The following THSD7A variants were observed in gnomAD, a reference collection of about 807,000 sequenced individuals.
THSD7A encodes the protein thrombospondin type-1 domain-containing protein 7A.
Under a neutral mutation model 231.3 loss-of-function variants are expected in THSD7A, and 96 were observed. The observed-to-expected ratio is 0.41, with a 90% confidence interval of 0.35 to 0.49. The LOEUF (loss-of-function observed/expected upper bound fraction) is 0.49. THSD7A is among the 20% of genes least tolerant of loss of function. The pLI, the probability that THSD7A is intolerant of heterozygous loss-of-function variation, is 0.05. For missense variants in THSD7A, 2,290 were observed against 2,070.2 expected (o/e 1.11, Z -2.06); for synonymous variants, 940 against 743.3 (o/e 1.26, Z -4.30).
intron 4 of THSD7A, among the ~76,000 whole-genome samples, chr7:11,554,135 T>C (rs561565443): frequency 4.5e-4 from 68 of 152,134 alleles, no homozygotes; most frequent in African/African-American, 1.6e-3. Flanking sequence ...ACTTTGGTTG[T>C]ATAGTGTTCC....
At chr7:11,547,466 C>G (rs1284373400) in intron 4 of THSD7A, among the ~76,000 whole-genome samples, 2 of 152,092 alleles carry the variant, frequency 1.3e-5, no homozygotes, top group Non-Finnish European at 2.9e-5. Flanking sequence ...TAACAGATAT[C>G]TGGGACCTAA....
At chr7:11,702,504 C>A (rs1780636814) in intron 1 of THSD7A, among the ~76,000 whole-genome samples, 1 of 151,180 alleles carries the variant, frequency 6.6e-6, no homozygotes, top group Non-Finnish European at 1.5e-5. Flanking sequence ...TTTCTGCCAC[C>A]AGCCTGAGAA....
chr7:11,748,597 GAA>G (rs1277100258), intron 1 of THSD7A, among the ~76,000 whole-genome samples: 1 of 151,858 alleles, frequency 6.6e-6, no homozygotes, highest in Admixed American at 6.6e-5. Context: ...GAGACATCAT[GAA>G]AAGTCACATA....
intron 1 of THSD7A, among the ~76,000 whole-genome samples, chr7:11,664,720 A>G (rs991649262): frequency 3.3e-5 from 5 of 152,016 alleles, no homozygotes; most frequent in South Asian, 2.1e-4. Flanking sequence ...TCTCAAGTAC[A>G]TGATGGTAAG....
chr7:11,680,181 A>G (rs1783814031), intron 1 of THSD7A, among the ~76,000 whole-genome samples: 1 of 152,136 alleles, frequency 6.6e-6, no homozygotes, highest in Admixed American at 6.5e-5. Context: ...CCTTCCTTAC[A>G]CCTTATACAA....
At chr7:11,425,108 T>G (rs1784276168) in intron 15 of THSD7A, among the ~76,000 whole-genome samples, 1 of 152,194 alleles carries the variant, frequency 6.6e-6, no homozygotes, top group South Asian at 2.1e-4. Context: ...ATGCTGACCC[T>G]TAACACACCG....
intron 13 of THSD7A, among the ~76,000 whole-genome samples, chr7:11,435,462 C>G (rs963590711): frequency 2.0e-5 from 3 of 152,072 alleles, no homozygotes; most frequent in Non-Finnish European, 4.4e-5. Flanking sequence ...ATCTGACCAC[C>G]TTTAAGACGA....
chr7:11,411,952 GAAAC>G lies in THSD7A; in HGVS notation c.3683-634_3683-631del, dbSNP rs1263636756. ...AGGAAACTGAAGAGAAAAACCAAAA[GAAAC>G]AAAGCCAATATGACTGTTATGTGTC... On this transcript the variant is annotated intron_variant, in intron 18 of 27. Transcript: ENST00000423059. The surrounding 1 kb of genome is among the most constrained non-coding windows in gnomAD (Gnocchi z 4.1). 6.6e-6 allele frequency among the ~76,000 whole-genome samples: 1 copy of G among 151,184 alleles called. No homozygotes were observed. Among genetic ancestry groups the G allele is most frequent in the East Asian group, 1.9e-4 (1 of 5,146 alleles).
chr7:11,792,849 A>G (rs769841448), intron 1 of THSD7A, among the ~76,000 whole-genome samples: 2 of 152,026 alleles, frequency 1.3e-5, no homozygotes, highest in Non-Finnish European at 2.9e-5. Flanking sequence ...GGAGCCATAC[A>G]TAATACATAA....
chr7:11,550,967 CA>C (rs749697507), intron 4 of THSD7A, among the ~76,000 whole-genome samples: 5 of 151,974 alleles, frequency 3.3e-5, no homozygotes, highest in Non-Finnish European at 2.9e-5. Flanking sequence ...CTGTAGTAAC[CA>C]AAACAGCACG....
At chr7:11,421,887 GTTATT>G (rs1325476611) in intron 16 of THSD7A, among the ~76,000 whole-genome samples, 1 of 151,942 alleles carries the variant, frequency 6.6e-6, no homozygotes, top group Non-Finnish European at 1.5e-5. Flanking sequence ...CTTTATTTTT[GTTATT>G]TTATATTAAA....
chr7:11,630,774 C>T (rs1207311627), intron 2 of THSD7A, among the ~76,000 whole-genome samples: 5 of 152,166 alleles, frequency 3.3e-5, no homozygotes, highest in Admixed American at 2.6e-4. Flanking sequence ...GCACTACATC[C>T]ATTAAATGTT....
chr7:11,510,226 A>G (rs1787747001), intron 6 of THSD7A, among the ~76,000 whole-genome samples: 1 of 152,216 alleles, frequency 6.6e-6, no homozygotes, highest in African/African-American at 2.4e-5. Flanking sequence ...TAAACCAGGA[A>G]GAAGCTGAAT....
intron 13 of THSD7A, among the ~76,000 whole-genome samples, chr7:11,436,002 T>C (rs952647168): frequency 6.6e-6 from 1 of 152,062 alleles, no homozygotes; most frequent in African/African-American, 2.4e-5. Context: ...AATAAACTTA[T>C]ATATGTAAGA....
intron 4 of THSD7A, among the ~76,000 whole-genome samples, chr7:11,579,788 A>C (rs1791078637): frequency 6.6e-6 from 1 of 152,206 alleles, no homozygotes; most frequent in South Asian, 2.1e-4. Context: ...ATATATAGTG[A>C]CTTTTTCTAG....
chr7:11,523,469 G>A (rs192525383), intron 6 of THSD7A, among the ~76,000 whole-genome samples: 104 of 152,100 alleles, frequency 6.8e-4, no homozygotes, highest in African/African-American at 2.4e-3. Context: ...AACTCTGGAT[G>A]GAGAGATTAT....
chr7:11,737,481 C>T (rs2128159591), intron 1 of THSD7A, among the ~76,000 whole-genome samples: 1 of 152,152 alleles, frequency 6.6e-6, no homozygotes, highest in South Asian at 2.1e-4. Flanking sequence ...CGTCCTAGAA[C>T]TAAATTTACT....
chr7:11,534,599 G>A (rs993248918), intron 6 of THSD7A, among the ~76,000 whole-genome samples: 1 of 152,120 alleles, frequency 6.6e-6, no homozygotes, highest in African/African-American at 2.4e-5. Context: ...TCTCATGATT[G>A]CAGCCACTAA....
Position 11,636,353 on chromosome 7 carries a change from G to A in THSD7A, c.799C>T (p.His267Tyr), listed in dbSNP as rs375255237. 1.2e-5 allele frequency: 20 copies of A among 1,613,708 alleles called. No homozygotes were observed. In the African/African-American group the frequency reaches 1.5e-4, roughly 12 times the overall value. Reference sequence around the variant, plus strand: ...CTTGCTTGTCTTACTTGTCGGGAGTGGGGCATTGAGCAGGTGCTCCAGGGC... The same window carrying A: ...CTTGCTTGTCTTACTTGTCGGGAGTAGGGCATTGAGCAGGTGCTCCAGGGC... ...VGPWSTCSMP[H>Y]SRQVRQARRR... The change falls in exon 2 of 28, where the codon CAC becomes TAC. Residue 267 changes from histidine (H) to tyrosine (Y), a missense_variant. By Grantham distance (83) the His-to-Tyr change is moderately conservative (BLOSUM62 2). Transcript: ENST00000423059. This position sits in a 1 kb window ranked among gnomAD's most constrained non-coding sequence, Gnocchi z 10.0.
Sources: allele counts gnomAD v4.1 joint callset (sites outside exome capture counted in the v4.1 genomes callset), GRCh38; gene constraint gnomAD v4.1.1; non-coding constraint Gnocchi (gnomAD v3.1); transcripts MANE v1.5; gene names NCBI Gene and HGNC (gene_info 2026-07-23, HGNC 2026-07-21).